TENM1: variants seen among roughly 807,000 people sequenced by gnomAD.
The protein encoded by TENM1 is teneurin transmembrane protein 1, also known as teneurin-1.
Under a neutral mutation model 174.8 loss-of-function variants are expected in TENM1, and 35 were observed. The ratio of observed to expected loss-of-function variants is 0.20; its 90% CI spans 0.15 to 0.27. The LOEUF (loss-of-function observed/expected upper bound fraction) is 0.27, where lower values mean the gene tolerates loss of function less well. TENM1 is among the 10% of genes least tolerant of loss of function. The probability of loss-of-function intolerance (pLI) is 1.00; values close to 1 mark genes in which losing one functional copy is unlikely to be tolerated. For missense variants in TENM1, 1,633 were observed against 2,130.1 expected (o/e 0.77, Z 4.59); for synonymous variants, 781 against 798.7 (o/e 0.98, Z 0.37).
chrX:124,582,734 T>C (rs1294648740), intron 11 of TENM1, among the ~76,000 whole-genome samples: 2 of 111,870 alleles, frequency 1.8e-5, no homozygotes, highest in Non-Finnish European at 3.8e-5. Flanking sequence ...GGGCGAGGCA[T>C]TGCCTCACTC....
At chrX:125,035,930 T>C in the TENM1 span, among the ~76,000 whole-genome samples, 7 of 110,741 alleles carry the variant, frequency 6.3e-5, no homozygotes, top group African/African-American at 2.3e-4. Context: ...AACAAGCTGA[T>C]AAAAAATATT....
the TENM1 span, among the ~76,000 whole-genome samples, chrX:124,972,392 A>G: frequency 8.9e-6 from 1 of 112,203 alleles, no homozygotes; most frequent in South Asian, 3.7e-4. Flanking sequence ...ATGGTCACCA[A>G]CTGGACATAA....
the TENM1 span, among the ~76,000 whole-genome samples, chrX:125,046,944 C>T: frequency 9.2e-6 from 1 of 108,875 alleles, no homozygotes; most frequent in Non-Finnish European, 1.9e-5. Flanking sequence ...CTTATTACTG[C>T]CCAAGCACCA....
the TENM1 span, among the ~76,000 whole-genome samples, chrX:125,127,740 C>G: frequency 9.0e-6 from 1 of 110,915 alleles, no homozygotes; most frequent in Non-Finnish European, 1.9e-5. Context: ...ATTTCCCATC[C>G]CTCCTGTTTT....
chrX:124,964,394 G>A (rs932152983), upstream of TENM1, among the ~76,000 whole-genome samples: 5 of 111,780 alleles, frequency 4.5e-5, no homozygotes, highest in Admixed American at 3.8e-4. Context: ...TGGCTTTTGA[G>A]CCTCAGGCCT....
the TENM1 span, among the ~76,000 whole-genome samples, chrX:125,140,829 C>T: frequency 1.8e-5 from 2 of 112,014 alleles, no homozygotes; most frequent in Non-Finnish European, 3.8e-5. Flanking sequence ...CCTTCTGCCA[C>T]ACTCTGGGAT....
chrX:124,623,351 T>C (rs747457237), intron 11 of TENM1, among the ~76,000 whole-genome samples: 1 of 111,724 alleles, frequency 9.0e-6, no homozygotes, highest in Admixed American at 9.5e-5. Context: ...AGTGTGTGCA[T>C]GAGTGTGTTT....
intron 25 of TENM1, among the ~76,000 whole-genome samples, chrX:124,412,837 T>A (rs1305036315): frequency 8.9e-6 from 1 of 112,775 alleles, no homozygotes; most frequent in Non-Finnish European, 1.9e-5. Flanking sequence ...AATATTGCCA[T>A]GAATTTCTGT....
Position 124,732,930 on chromosome X carries a change from G to A in TENM1, c.776+4027C>T, listed in dbSNP as rs139029474. Among the ~76,000 whole-genome samples, 707 of 111,849 alleles carry A rather than the reference G, an allele frequency of 6.3e-3. 1 individual carries two copies. Among genetic ancestry groups the A allele is most frequent in the Non-Finnish European group, 0.011 (581 of 53,188 alleles). On this transcript the variant is annotated intron_variant, in intron 4 of 31. Transcript: ENST00000422452. ...GACCAGAGTTTCCCGCGTTCCCGGGGACTGACAACACATACACTGAAAAGA... is the reference window on the plus strand; with the variant it reads ...GACCAGAGTTTCCCGCGTTCCCGGGAACTGACAACACATACACTGAAAAGA...
intron 3 of TENM1, among the ~76,000 whole-genome samples, chrX:124,878,253 C>T (rs1461213437): frequency 9.0e-6 from 1 of 111,246 alleles, no homozygotes; most frequent in Non-Finnish European, 1.9e-5. Context: ...ACAATTAAAG[C>T]CCAGTGTGAT....
intron 27 of TENM1, among the ~76,000 whole-genome samples, chrX:124,392,933 T>C (rs2060297614): frequency 9.0e-6 from 1 of 111,660 alleles, no homozygotes; most frequent in Non-Finnish European, 1.9e-5. Flanking sequence ...CACGGAGGCC[T>C]GTAGGTAAAT....
At chrX:124,500,457 T>G (rs1182950998) in intron 19 of TENM1, among the ~76,000 whole-genome samples, 1 of 112,065 alleles carries the variant, frequency 8.9e-6, no homozygotes, top group Admixed American at 9.5e-5. Context: ...CTAGAAATCT[T>G]GATCAATTAC....
chrX:124,449,782 C>T (rs927881363), intron 23 of TENM1, among the ~76,000 whole-genome samples: 5 of 111,584 alleles, frequency 4.5e-5, no homozygotes, highest in Middle Eastern at 4.6e-3. Context: ...GGCCCAACTC[C>T]CCATTTCACT....
chrX:125,203,431 CGAG>C, the TENM1 span, among the ~76,000 whole-genome samples: 1 of 112,256 alleles, frequency 8.9e-6, no homozygotes, highest in African/African-American at 3.2e-5. Flanking sequence ...AGAGCCGAGG[CGAG>C]GAGGCTCCCT....
At chrX:124,651,879 A>G (rs1409872155) in intron 8 of TENM1, 35 bp downstream of exon 11, 2 of 1,193,087 alleles carry the variant, frequency 1.7e-6, no homozygotes, top group Non-Finnish European at 2.3e-6. Flanking sequence ...CTAGGGTTGA[A>G]CTGTCAATTC....
intron 11 of TENM1, among the ~76,000 whole-genome samples, chrX:124,607,268 A>T (rs111870523): frequency 0.032 from 3,564 of 110,898 alleles, 65 homozygotes; most frequent in Middle Eastern, 0.11. Context: ...TGAATATGGG[A>T]TATTTTCAGT....
At chrX:124,794,556 C>T (rs1440369894) in intron 3 of TENM1, among the ~76,000 whole-genome samples, 1 of 111,163 alleles carries the variant, frequency 9.0e-6, no homozygotes, top group Non-Finnish European at 1.9e-5. Flanking sequence ...CCACCGTCAT[C>T]TCTCATCTGA....
At chrX:124,632,282 T>C (rs747518527) in intron 11 of TENM1, among the ~76,000 whole-genome samples, 1 of 110,872 alleles carries the variant, frequency 9.0e-6, no homozygotes, top group East Asian at 2.9e-4. Flanking sequence ...GCATACACAA[T>C]AAAGTAACTT....
chrX:124,492,248 A>G (rs1334253573), intron 20 of TENM1, among the ~76,000 whole-genome samples: 2 of 111,683 alleles, frequency 1.8e-5, no homozygotes, highest in African/African-American at 6.5e-5. Context: ...AAGTAAAGTG[A>G]CTAATTTGCA....
Sources: allele counts gnomAD v4.1 joint callset (sites outside exome capture counted in the v4.1 genomes callset), GRCh38; gene constraint gnomAD v4.1.1; transcripts MANE v1.5; gene names NCBI Gene and HGNC (gene_info 2026-07-23, HGNC 2026-07-21).